NXPH1: variants seen among roughly 807,000 people sequenced by gnomAD.
NXPH1 encodes the protein neurexophilin-1.
A neutral mutation model predicts 23.7 loss-of-function variants in NXPH1; 5 were observed. That is an observed-to-expected ratio of 0.21 (90% CI 0.11 to 0.44). The LOEUF (loss-of-function observed/expected upper bound fraction) is 0.44. Among genes scored for constraint, NXPH1 ranks in the 20% least tolerant of loss-of-function variants. The pLI is 0.99. For missense variants in NXPH1, 324 were observed against 321.6 expected (o/e 1.01, Z -0.06); for synonymous variants, 144 against 122.2 (o/e 1.18, Z -1.18).
intron 2 of NXPH1, among the ~76,000 whole-genome samples, chr7:8,736,444 T>C (rs1271682504): frequency 6.6e-6 from 1 of 152,240 alleles, no homozygotes; most frequent in African/African-American, 2.4e-5. Flanking sequence ...CAGTTTTGAA[T>C]GAGTTTCTTA....
Position 8,533,675 on chromosome 7 carries a change from T to C in NXPH1, c.54+97908T>C, listed in dbSNP as rs551908963. On this transcript the variant is annotated intron_variant, in intron 2 of 2. Coordinates refer to ENST00000405863, the MANE Select transcript of NXPH1 (RefSeq NM_152745.3). ...CAAAGAACTGATACTATTAATACTT[T>C]TATAATCAGAAAGAAATTCTTTCTG... Among the ~76,000 whole-genome samples the C allele has an allele frequency of 3.0e-3, 450 of 152,302 alleles. 2 individuals are homozygous for C. Among genetic ancestry groups the C allele is most frequent in the Non-Finnish European group, 5.2e-3 (353 of 68,030 alleles).
intron 2 of NXPH1, among the ~76,000 whole-genome samples, chr7:8,440,465 C>T (rs1284452815): frequency 6.6e-6 from 1 of 152,138 alleles, no homozygotes; most frequent in East Asian, 1.9e-4. Context: ...AAGTTGATTT[C>T]TATTTGGCTT....
intron 2 of NXPH1, among the ~76,000 whole-genome samples, chr7:8,549,482 A>G (rs1215734552): frequency 6.6e-6 from 1 of 151,524 alleles, no homozygotes; most frequent in East Asian, 2.0e-4. Context: ...TAAAAGCGAA[A>G]TATAAAACAA....
chr7:8,747,916 G>C (rs73052274), intron 2 of NXPH1, among the ~76,000 whole-genome samples: 21,151 of 152,206 alleles, frequency 0.14, 1,861 homozygotes, highest in Middle Eastern at 0.3. Context: ...GAGTGGGAAA[G>C]CTGTAGTTGT....
At chr7:8,577,062 T>C (rs1465889573) in intron 2 of NXPH1, among the ~76,000 whole-genome samples, 2 of 152,132 alleles carry the variant, frequency 1.3e-5, no homozygotes, top group East Asian at 3.9e-4. Flanking sequence ...ATTAGAACAT[T>C]TGAAATGATA....
At chr7:8,669,418 T>C (rs147977796) in intron 2 of NXPH1, among the ~76,000 whole-genome samples, 1 of 151,960 alleles carries the variant, frequency 6.6e-6, no homozygotes. Flanking sequence ...GGCCTGGCAC[T>C]GGGGTTGACC....
At chr7:8,584,301 A>G (rs1159738919) in intron 2 of NXPH1, among the ~76,000 whole-genome samples, 1 of 152,214 alleles carries the variant, frequency 6.6e-6, no homozygotes, top group Non-Finnish European at 1.5e-5. Flanking sequence ...AGATTAAAAG[A>G]GACTATTGAA....
intron 2 of NXPH1, among the ~76,000 whole-genome samples, chr7:8,472,843 G>T (rs1196839171): frequency 6.6e-6 from 1 of 152,158 alleles, no homozygotes; most frequent in African/African-American, 2.4e-5. Flanking sequence ...TAAACAAGGG[G>T]AACTCACTTG....
intron 2 of NXPH1, among the ~76,000 whole-genome samples, chr7:8,553,721 C>A (rs543869031): frequency 6.6e-6 from 1 of 151,622 alleles, no homozygotes; most frequent in South Asian, 2.1e-4. Context: ...AATGCATCAC[C>A]AAGTCCCATC....
intron 2 of NXPH1, among the ~76,000 whole-genome samples, chr7:8,727,665 T>C (rs1331064196): frequency 6.6e-6 from 1 of 152,174 alleles, no homozygotes; most frequent in Non-Finnish European, 1.5e-5. Context: ...CGGCATTATT[T>C]CTGAGGGCTC....
chr7:8,710,995 T>C (rs1227924489), intron 2 of NXPH1, among the ~76,000 whole-genome samples: 1 of 152,242 alleles, frequency 6.6e-6, no homozygotes, highest in Non-Finnish European at 1.5e-5. Flanking sequence ...GGATACTGTA[T>C]TCCATGGAAA....
At chr7:8,668,610 A>G (rs960205995) in intron 2 of NXPH1, among the ~76,000 whole-genome samples, 5 of 151,986 alleles carry the variant, frequency 3.3e-5, no homozygotes, top group Non-Finnish European at 7.4e-5. Flanking sequence ...ACTTGGGTCC[A>G]CAAAGGCTGA....
At chr7:8,544,334 A>G (rs1384524857) in intron 2 of NXPH1, among the ~76,000 whole-genome samples, 1 of 151,594 alleles carries the variant, frequency 6.6e-6, no homozygotes, top group East Asian at 2.0e-4. Flanking sequence ...ACTCATTGCC[A>G]GGAGCACCCT....
At chr7:8,600,730 T>A (rs1819340073) in intron 2 of NXPH1, among the ~76,000 whole-genome samples, 1 of 152,192 alleles carries the variant, frequency 6.6e-6, no homozygotes, top group African/African-American at 2.4e-5. Context: ...ACAAGAGTAT[T>A]TAAATTTTAT....
At chr7:8,676,325 G>C (rs1820952473) in intron 2 of NXPH1, among the ~76,000 whole-genome samples, 1 of 152,132 alleles carries the variant, frequency 6.6e-6, no homozygotes, top group African/African-American at 2.4e-5. Flanking sequence ...GAATTCTGGT[G>C]CTCTGTACTT....
At chr7:8,440,100 C>T (rs1262452365) in intron 2 of NXPH1, among the ~76,000 whole-genome samples, 1 of 152,184 alleles carries the variant, frequency 6.6e-6, no homozygotes, top group Non-Finnish European at 1.5e-5. Context: ...TAGATACATA[C>T]GGGATTCAGA....
At chr7:8,491,414 C>T (rs554097003) in intron 2 of NXPH1, among the ~76,000 whole-genome samples, 16 of 152,024 alleles carry the variant, frequency 1.1e-4, no homozygotes, top group Admixed American at 8.5e-4. Flanking sequence ...CTGTGAAGGG[C>T]ATGAAGAAAT....
intron 2 of NXPH1, among the ~76,000 whole-genome samples, chr7:8,503,696 C>T (rs549329541): frequency 2.0e-5 from 3 of 151,958 alleles, no homozygotes; most frequent in Non-Finnish European, 2.9e-5. Flanking sequence ...TGTAACATTT[C>T]TCTGTTTTCT....
chr7:8,659,896 T>C (rs1820645235), intron 2 of NXPH1, among the ~76,000 whole-genome samples: 1 of 152,214 alleles, frequency 6.6e-6, no homozygotes, highest in Non-Finnish European at 1.5e-5. Flanking sequence ...CAACTTATCA[T>C]CCAGTGCTAG....
Sources: allele counts gnomAD v4.1 joint callset (sites outside exome capture counted in the v4.1 genomes callset), GRCh38; gene constraint gnomAD v4.1.1; transcripts MANE v1.5; gene names NCBI Gene and HGNC (gene_info 2026-07-23, HGNC 2026-07-21).